Variants in ADGRL3 observed in about 807,000 individuals in gnomAD.
ADGRL3 encodes adhesion G protein-coupled receptor L3.
A neutral mutation model predicts 153.5 loss-of-function variants in ADGRL3; 62 were observed. That is an observed-to-expected ratio of 0.40 (90% confidence interval 0.33 to 0.50). The LOEUF is 0.50. ADGRL3 is among the 20% of genes least tolerant of loss of function. The pLI, the probability that ADGRL3 is intolerant of heterozygous loss-of-function variation, is 0.47. For missense variants in ADGRL3, 1,641 were observed against 1,859.4 expected (o/e 0.88, Z 2.16); for synonymous variants, 710 against 672.5 (o/e 1.06, Z -0.86).
chr4:61,947,261 T>A, intron 16 of ADGRL3, 139 bp downstream of exon 16: 1 of 687,754 alleles, frequency 1.5e-6, no homozygotes, highest in African/African-American at 1.8e-5. Context: ...GTAGTGGTAA[T>A]TTTTTTGTCA....
intron 2 of ADGRL3, among the ~76,000 whole-genome samples, chr4:61,437,070 A>G (rs2097456601): frequency 6.6e-6 from 1 of 152,198 alleles, no homozygotes; most frequent in African/African-American, 2.4e-5. Flanking sequence ...TATAGTATTG[A>G]TAGGAACCTA....
intron 1 of ADGRL3, among the ~76,000 whole-genome samples, chr4:61,244,075 C>G (rs921653311): frequency 6.6e-6 from 1 of 151,992 alleles, no homozygotes; most frequent in Admixed American, 6.6e-5. Context: ...CTTTCCCTAT[C>G]TGTCATATTT....
chr4:61,686,321 G>A (rs1274973999), intron 6 of ADGRL3, among the ~76,000 whole-genome samples: 1 of 152,040 alleles, frequency 6.6e-6, no homozygotes, highest in Non-Finnish European at 1.5e-5. Context: ...TATGTTTTGT[G>A]TGAGATCTAT....
At chr4:61,939,361 G>A (rs959301900) in intron 15 of ADGRL3, among the ~76,000 whole-genome samples, 12 of 152,036 alleles carry the variant, frequency 7.9e-5, no homozygotes, top group East Asian at 1.9e-4. Context: ...AATCTCTTCT[G>A]TATGCAGAAA....
intron 9 of ADGRL3, among the ~76,000 whole-genome samples, chr4:61,831,456 G>T (rs2097868414): frequency 7.0e-6 from 1 of 142,228 alleles, no homozygotes; most frequent in South Asian, 2.3e-4. Flanking sequence ...TGCTAAGTGG[G>T]GGATAACCAG....
chr4:61,852,594 T>G (rs564250832), intron 9 of ADGRL3, among the ~76,000 whole-genome samples: 4 of 152,290 alleles, frequency 2.6e-5, no homozygotes, highest in Non-Finnish European at 5.9e-5. Flanking sequence ...GGATTACAGG[T>G]GTGAGCCATA....
intron 1 of ADGRL3, among the ~76,000 whole-genome samples, chr4:61,337,991 G>A (rs2095716100): frequency 1.3e-5 from 2 of 152,192 alleles, no homozygotes; most frequent in African/African-American, 4.8e-5. Context: ...GGCCGGGCAC[G>A]GTGGCTCACA....
chr4:61,220,740 T>C (rs2149013302), intron 1 of ADGRL3, among the ~76,000 whole-genome samples: 1 of 152,346 alleles, frequency 6.6e-6, no homozygotes, highest in South Asian at 2.1e-4. Flanking sequence ...TCTGGCATGT[T>C]ACTTCATGTA....
chr4:61,528,075 C>T (rs1053337206), intron 4 of ADGRL3, among the ~76,000 whole-genome samples: 17 of 152,074 alleles, frequency 1.1e-4, no homozygotes, highest in African/African-American at 4.1e-4. Flanking sequence ...TCCACAATGC[C>T]GGCTGTCCAA....
At chr4:61,949,698 T>TA (rs988426374) in intron 17 of ADGRL3, among the ~76,000 whole-genome samples, 204 of 147,140 alleles carry the variant, frequency 1.4e-3, no homozygotes, top group Middle Eastern at 6.9e-3. Context: ...CTGTCTCAAA[T>TA]AAAAAAAAAA....
chr4:61,544,469 C>T (rs560088752), intron 4 of ADGRL3, among the ~76,000 whole-genome samples: 1 of 152,076 alleles, frequency 6.6e-6, no homozygotes, highest in Admixed American at 6.6e-5. Context: ...TAAGCCTTTG[C>T]CATTTTCAAA....
intron 8 of ADGRL3, among the ~76,000 whole-genome samples, chr4:61,808,789 G>T (rs1324780931): frequency 1.4e-5 from 2 of 141,920 alleles, no homozygotes; most frequent in African/African-American, 5.5e-5. Flanking sequence ...ACAAGAAATC[G>T]GGCTTTTTTT....
chr4:62,031,362 G>C (rs1721949343), intron 22 of ADGRL3, 80 bp from the exon 23 acceptor site: 26 of 1,151,206 alleles, frequency 2.3e-5, no homozygotes, highest in Non-Finnish European at 3.0e-5. Context: ...ATTTTTTTCA[G>C]TGTCGTATTG....
At chr4:61,718,935 A>T (rs1358864215) in intron 6 of ADGRL3, among the ~76,000 whole-genome samples, 1 of 152,208 alleles carries the variant, frequency 6.6e-6, no homozygotes, top group East Asian at 1.9e-4. Context: ...AAAACAAACA[A>T]GACATGCATT....
chr4:61,524,841 T>C (rs1366432457), intron 4 of ADGRL3, among the ~76,000 whole-genome samples: 1 of 152,150 alleles, frequency 6.6e-6, no homozygotes, highest in Non-Finnish European at 1.5e-5. Flanking sequence ...TCATTTATTG[T>C]TAATATAGCT....
At chr4:61,316,014 C>G (rs1226307779) in intron 1 of ADGRL3, among the ~76,000 whole-genome samples, 2 of 152,074 alleles carry the variant, frequency 1.3e-5, no homozygotes, top group African/African-American at 4.8e-5. Context: ...GTTCCATGTT[C>G]TCATGAAGCT....
Position 62,063,796 on chromosome 4 carries a change from C to A in ADGRL3, c.3815-4370C>A, listed in dbSNP as rs371379728. 3.1e-4 allele frequency among the ~76,000 whole-genome samples: 47 copies of A among 152,108 alleles called. 1 individual carries two copies. Among genetic ancestry groups the A allele is most frequent in the African/African-American group, 1.1e-3 (46 of 41,500 alleles). On this transcript the variant is annotated intron_variant, in intron 25 of 26. Transcript: ENST00000683033. Reference sequence around the variant, plus strand: ...TCTTGGTGCTTTTATTTTCCACTTTCCTTAGGTTTTCCTTAGTAAAAAATG... The same window carrying A: ...TCTTGGTGCTTTTATTTTCCACTTTACTTAGGTTTTCCTTAGTAAAAAATG...
intron 5 of ADGRL3, among the ~76,000 whole-genome samples, chr4:61,594,197 A>T (rs1255572324): frequency 6.6e-6 from 1 of 152,124 alleles, no homozygotes; most frequent in Non-Finnish European, 1.5e-5. Flanking sequence ...ATAACTCAGA[A>T]TTCCTTCTCT....
chr4:61,400,274 T>C (rs1215830656), intron 2 of ADGRL3, among the ~76,000 whole-genome samples: 1 of 151,828 alleles, frequency 6.6e-6, no homozygotes, highest in African/African-American at 2.4e-5. Flanking sequence ...ATTTGAGGAA[T>C]TAAAATGTCA....
Sources: gnomAD v4.1 joint callset for allele counts (sites outside exome capture counted in the v4.1 genomes callset) on GRCh38, gnomAD v4.1.1 for gene constraint, MANE v1.5 for transcripts, NCBI Gene and HGNC (gene_info 2026-07-23, HGNC 2026-07-21) for gene names.